The following CFTR variants were observed in gnomAD, a reference collection of about 807,000 sequenced individuals.
The protein encoded by CFTR is CF transmembrane conductance regulator, also known as cystic fibrosis transmembrane conductance regulator.
In CFTR, 181 loss-of-function variants were observed where a neutral mutation model predicts 171.6. That is an observed-to-expected ratio of 1.05 (90% CI 0.93 to 1.19). The LOEUF (loss-of-function observed/expected upper bound fraction) is 1.19. CFTR is among the 50% of genes most tolerant of loss of function. CFTR has a pLI of 0.00. For missense variants in CFTR, 1,968 were observed against 1,734.7 expected (o/e 1.13, Z -2.39); for synonymous variants, 583 against 608.0 (o/e 0.96, Z 0.60).
intron 24 of CFTR, among the ~76,000 whole-genome samples, chr7:117,661,794 C>T (rs1224774292): frequency 2.0e-5 from 3 of 151,822 alleles, no homozygotes; most frequent in Non-Finnish European, 4.4e-5. Flanking sequence ...TCTGGTAATC[C>T]TTGTAACAAC....
At chr7:117,623,553 G>A (rs918328782) in intron 21 of CFTR, among the ~76,000 whole-genome samples, 1 of 152,130 alleles carries the variant, frequency 6.6e-6, no homozygotes, top group Non-Finnish European at 1.5e-5. Context: ...GAGGTTAAAA[G>A]CTCAATGAAA....
At chr7:117,642,845 C>G (rs1792941693) in intron 23 of CFTR, among the ~76,000 whole-genome samples, 1 of 152,104 alleles carries the variant, frequency 6.6e-6, no homozygotes, top group African/African-American at 2.4e-5. Flanking sequence ...CAGTGGGAGC[C>G]TTGGGCTTTT....
chr7:117,590,210 A>G lies in CFTR; in HGVS notation c.1680-143A>G, dbSNP rs1348050252. 3 of 910,972 alleles carry G rather than the reference A, an allele frequency of 3.3e-6. No homozygotes were observed. The East Asian group carries it at 8.3e-5, about 25-fold the overall frequency. 56.4% of individuals were successfully genotyped at this position (910,972 alleles called of 1,614,324 possible). On this transcript the variant is annotated intron_variant, in intron 12 of 26. Transcript: ENST00000003084. ...TGTATAAAAGTGCTACTTCTGCACC[A>G]CTTTTGAGAATAGTGTTATTTCAGT... is the stretch of plus-strand genomic sequence containing the variant.
Position 117,636,348 on chromosome 7 carries a change from C to T in CFTR, c.3718-6090C>T, listed in dbSNP as rs182850178. 1.9e-3 allele frequency among the ~76,000 whole-genome samples: 287 copies of T among 152,116 alleles called. 1 individual carries two copies. Among genetic ancestry groups the T allele is most frequent in the African/African-American group, 6.8e-3 (283 of 41,504 alleles). On this transcript the variant is annotated intron_variant, in intron 22 of 26. Transcript: ENST00000003084. The stretch of plus-strand genomic sequence containing the variant: ...AACATGATATGCCTTTCTTTTTGAA[C>T]ATGATATGCCTTTGTGTCGGATTTT...
At chr7:117,632,893 C>T (rs1792771192) in intron 22 of CFTR, among the ~76,000 whole-genome samples, 2 of 152,164 alleles carry the variant, frequency 1.3e-5, no homozygotes, top group African/African-American at 4.8e-5. Context: ...TTGTGTTGTG[C>T]TCCCTCAATC....
chr7:117,659,664 T>C (rs1344421981), intron 24 of CFTR, among the ~76,000 whole-genome samples: 1 of 152,230 alleles, frequency 6.6e-6, no homozygotes, highest in African/African-American at 2.4e-5. Context: ...TGTCTGTTGA[T>C]TTTGGACTGA....
chr7:117,511,675 G>T (rs2116645131), intron 3 of CFTR, among the ~76,000 whole-genome samples: 1 of 152,246 alleles, frequency 6.6e-6, no homozygotes, highest in South Asian at 2.1e-4. Context: ...GAGGCTGCAG[G>T]TTTTTCACCC....
rs1284826847 is a variant in CFTR, at chr7:117,535,244, C to T, written c.580-4C>T. 6.2e-7 allele frequency: 1 copy of T among 1,613,974 alleles called. No individual in the cohort carries two copies. Among genetic ancestry groups the T allele is most frequent in the Non-Finnish European group, 8.5e-7 (1 of 1,179,934 alleles). On this transcript the variant is annotated splice_polypyrimidine_tract_variant and splice_region_variant and intron_variant, in intron 5 of 26. Coordinates refer to ENST00000003084, the MANE Select transcript of CFTR (RefSeq NM_000492.4). ...CCTGTTTTTGCTGTGCTTTTATTTTCCAGGGACTTGCATTGGCACATTTCG... is the reference window on the plus strand; with the variant it reads ...CCTGTTTTTGCTGTGCTTTTATTTTTCAGGGACTTGCATTGGCACATTTCG...
At chr7:117,663,677 G>T (rs539810127) in intron 24 of CFTR, among the ~76,000 whole-genome samples, 61 of 152,116 alleles carry the variant, frequency 4.0e-4, no homozygotes, top group African/African-American at 1.4e-3. Context: ...GAAATCATAA[G>T]ATTCTTTCTG....
At chr7:117,549,953 A>G (rs1225124136) in intron 10 of CFTR, among the ~76,000 whole-genome samples, 1 of 152,220 alleles carries the variant, frequency 6.6e-6, no homozygotes, top group Admixed American at 6.5e-5. Context: ...GCAATTATTT[A>G]TCAATATCTA....
At chr7:117,666,518 G>A (rs1251172534) in intron 26 of CFTR, among the ~76,000 whole-genome samples, 1 of 152,174 alleles carries the variant, frequency 6.6e-6, no homozygotes, top group Non-Finnish European at 1.5e-5. Flanking sequence ...TTAAACTCAG[G>A]CACATCCTGA....
At chr7:117,542,851 C>T (rs1776122243) in intron 9 of CFTR, among the ~76,000 whole-genome samples, 1 of 152,168 alleles carries the variant, frequency 6.6e-6, no homozygotes. Context: ...GTAAAACATT[C>T]ATCAGAGTAC....
At chr7:117,636,005 C>T (rs748641076) in intron 22 of CFTR, among the ~76,000 whole-genome samples, 12 of 152,048 alleles carry the variant, frequency 7.9e-5, no homozygotes, top group Admixed American at 1.3e-4. Context: ...GTATAATTTT[C>T]CTTTTCTCTC....
chr7:117,485,694 CTTT>C (rs1798064259), intron 1 of CFTR, among the ~76,000 whole-genome samples: 1 of 152,032 alleles, frequency 6.6e-6, no homozygotes, highest in Admixed American at 6.5e-5. Context: ...TCTGAAAAAT[CTTT>C]TTTCAGAGTT....
At chr7:117,496,899 G>T (rs1439945321) in intron 1 of CFTR, among the ~76,000 whole-genome samples, 1 of 147,746 alleles carries the variant, frequency 6.8e-6, no homozygotes, top group African/African-American at 2.5e-5. Context: ...TTCATTGTGA[G>T]TTTTTTTTTT....
chr7:117,646,759 A>T (rs1201372179), intron 23 of CFTR, among the ~76,000 whole-genome samples: 1 of 152,102 alleles, frequency 6.6e-6, no homozygotes, highest in Admixed American at 6.6e-5. Context: ...GTAGGGGTGG[A>T]GTGCTGAACT....
rs1478266451 is a variant in CFTR at position 117,592,245 on chromosome 7, T to C, written c.2078T>C (p.Phe693Ser). ...CAATCTTTTAAACAGACTGGAGAGT[T>C]TGGGGAAAAAAGGAAGAATTCTATT... ...KKQSFKQTGE[F>S]GEKRKNSILN... is the part of the protein sequence containing the mutation. The change falls in exon 14 of 27, where the codon TTT (phenylalanine) becomes TCT (serine). Residue 693 changes from phenylalanine to serine, a missense_variant. Transcript: ENST00000003084. 1 of 1,613,672 alleles carries C rather than the reference T, an allele frequency of 6.2e-7. No individual in the cohort carries two copies. The highest frequency in any genetic ancestry group is 1.3e-5 in the African/African-American group (1 of 74,908).
intron 11 of CFTR, among the ~76,000 whole-genome samples, chr7:117,561,940 G>A (rs947326585): frequency 1.3e-5 from 2 of 152,106 alleles, no homozygotes; most frequent in African/African-American, 4.8e-5. Flanking sequence ...GAAAGTTAGG[G>A]CCTTGAAGAA....
At chr7:117,486,645 G>A (rs969379038) in intron 1 of CFTR, among the ~76,000 whole-genome samples, 4 of 151,820 alleles carry the variant, frequency 2.6e-5, no homozygotes, top group African/African-American at 7.3e-5. Flanking sequence ...TCCCTATGAC[G>A]GGAACATAAA....
Sources: gnomAD v4.1 joint callset for allele counts (sites outside exome capture counted in the v4.1 genomes callset) on GRCh38, gnomAD v4.1.1 for gene constraint, MANE v1.5 for transcripts, NCBI Gene and HGNC (gene_info 2026-07-23, HGNC 2026-07-21) for gene names.